Variants in RABL6 observed in about 807,000 individuals in gnomAD.
RABL6 encodes the protein RAB, member RAS oncogene family like 6, also known as rab-like protein 6.
Under a neutral mutation model 72.9 loss-of-function variants are expected in RABL6, and 28 were observed. That is an observed-to-expected ratio of 0.38 (90% CI 0.28 to 0.53). The LOEUF (loss-of-function observed/expected upper bound fraction) is 0.53, where lower values mean the gene tolerates loss of function less well. Among genes scored for constraint, RABL6 ranks in the 20% least tolerant of loss-of-function variants. RABL6 has a pLI of 0.80. For missense variants in RABL6, 1,029 were observed against 1,008.4 expected (o/e 1.02, Z -0.28); for synonymous variants, 477 against 421.2 (o/e 1.13, Z -1.62).
Position 136,840,673 on chromosome 9 carries a change from G to C in RABL6, c.*151G>C, listed in dbSNP as rs1348768610. 5 of 1,549,312 alleles carry C rather than the reference G, an allele frequency of 3.2e-6. No homozygotes were observed. The highest frequency in any genetic ancestry group is 4.4e-6 in the Non-Finnish European group (5 of 1,146,850). On this transcript the variant is annotated 3_prime_UTR_variant, in exon 15 of 15. Transcript: ENST00000311502. ...GAGGCCGGGCATTGGTGGTCCCCAG[G>C]CTGGGCCCTGCAGGTGCTGGGCCTT...
At chr9:136,808,393 C>A (rs1375193799) in intron 1 of RABL6, 67 bp downstream of exon 1, 2 of 1,377,008 alleles carry the variant, frequency 1.5e-6, no homozygotes, top group Non-Finnish European at 1.9e-6. Flanking sequence ...CCCCGGGCGC[C>A]GCGCGGTGGT....
At chr9:136,825,872 C>T (rs1848344453) in intron 3 of RABL6, 46 bp downstream of exon 3, 5 of 1,577,746 alleles carry the variant, frequency 3.2e-6, no homozygotes, top group Non-Finnish European at 4.4e-6. Flanking sequence ...GGACTGTGTG[C>T]TCTGCGCAGA....
At chr9:136,835,476 A>G in intron 7 of RABL6, 1 of 413,788 alleles carries the variant, frequency 2.4e-6, no homozygotes, top group East Asian at 4.1e-5. Flanking sequence ...CTTGCTGTTG[A>G]GGTTTATGCC....
At chr9:136,825,715 A>G in intron 2 of RABL6, 64 bp from the exon 3 acceptor site, 1 of 1,549,050 alleles carries the variant, frequency 6.5e-7, no homozygotes, top group South Asian at 1.1e-5. Flanking sequence ...CACCAGCTGG[A>G]CCGCTTTGTG....
chr9:136,835,392 G>T, intron 7 of RABL6: 1 of 201,888 alleles, frequency 5.0e-6, no homozygotes, highest in Middle Eastern at 1.8e-3. Context: ...GCGTGGCGGG[G>T]AGCAGAGGGG....
At chr9:136,828,226 G>C in intron 3 of RABL6, 1 of 456,234 alleles carries the variant, frequency 2.2e-6, no homozygotes. Context: ...TCCCACCGCA[G>C]CCTGTCCAGG....
rs1179505157 is a variant in RABL6, at chr9:136,837,652, T to G, written c.1116T>G (p.Pro372=). 2 of 1,588,786 alleles carry G rather than the reference T, an allele frequency of 1.3e-6. No homozygotes were observed. Among genetic ancestry groups the G allele is most frequent in the Non-Finnish European group, 1.7e-6 (2 of 1,169,516 alleles). ...FGTSPATEAA[P]PPPEPVPAAE... ...CGTCACCTGCCACCGAGGCAGCCCC[T>G]CCACCTCCAGGTAGGCCCTGGAGCT... is the stretch of plus-strand genomic sequence containing the variant. Residue 372 remains proline (P), a synonymous_variant, in exon 9 of 15, where the codon CCT becomes CCG. Coordinates refer to ENST00000311502, the MANE Select transcript of RABL6 (RefSeq NM_024718.5).
Position 136,837,938 on chromosome 9 carries a change from C to A in RABL6, c.1203C>A (p.Arg401=). 6.4e-7 allele frequency: 1 copy of A among 1,561,074 alleles called. No homozygotes were observed. Among genetic ancestry groups the A allele is most frequent in the South Asian group, 1.2e-5 (1 of 84,680 alleles). Residue 401 remains arginine, a synonymous_variant, in exon 10 of 15, where the codon CGC becomes CGA. Coordinates refer to ENST00000311502, the MANE Select transcript of RABL6 (RefSeq NM_024718.5). ...TTGTTCCTGACGACCGCCTGGACCG[C>A]AGCTTCCTGGAAGACACAACCCCCG... ...EDFVPDDRLD[R]SFLEDTTPAR...
At chr9:136,821,256 G>T in intron 1 of RABL6, 1 of 905,376 alleles carries the variant, frequency 1.1e-6, no homozygotes, top group Non-Finnish European at 1.3e-6. Flanking sequence ...GGACGTCAGC[G>T]CGTTGGTTCT....
rs747129893 is a variant in RABL6 at position 136,828,260 on chromosome 9, A to C, written c.314-234A>C. The C allele has an allele frequency of 9.4e-6, 5 of 529,302 alleles. No homozygotes were observed. In the East Asian group the frequency reaches 1.6e-4, roughly 17 times the overall value. The allele number at this position is 529,302 out of a possible 1,614,324, so 32.8% of individuals were successfully genotyped here. On this transcript the variant is annotated intron_variant, in intron 3 of 14. Coordinates refer to ENST00000311502, the MANE Select transcript of RABL6 (RefSeq NM_024718.5). ...GGAGCTGCTGAGCCTGTCAGCCCCAACTAGCACCTCCTGTCCAGGCCCGGC... is the reference window on the plus strand; with the variant it reads ...GGAGCTGCTGAGCCTGTCAGCCCCACCTAGCACCTCCTGTCCAGGCCCGGC...
Position 136,839,915 on chromosome 9 carries a change from C to T in RABL6, c.1930+50C>T, listed in dbSNP as rs547476769. On this transcript the variant is annotated intron_variant, in intron 13 of 14. Transcript: ENST00000311502. ...TCAGCCTGCTGGAGTTTGGGTAGAA[C>T]GTGGGCCTCCTCCCAGCTGCTGGCC... The T allele has an allele frequency of 1.6e-4, 248 of 1,573,832 alleles. 4 individuals carry two copies. The South Asian group carries it at 2.5e-3, about 16-fold the overall frequency.
chr9:136,828,809 C>T (rs985783510), intron 4 of RABL6, among the ~76,000 whole-genome samples: 3 of 152,164 alleles, frequency 2.0e-5, no homozygotes, highest in Non-Finnish European at 2.9e-5. Context: ...TAAGTGAACT[C>T]GCCAAACTTT....
At chr9:136,821,892 G>T in intron 1 of RABL6, 1 of 1,276,644 alleles carries the variant, frequency 7.8e-7, no homozygotes, top group Admixed American at 2.4e-5. Context: ...CGGTGCGGCC[G>T]CCACCGTGGC....
chr9:136,825,857 C>T, intron 3 of RABL6, 31 bp downstream of exon 3: 1 of 1,596,650 alleles, frequency 6.3e-7, no homozygotes, highest in African/African-American at 1.3e-5. Flanking sequence ...GTCTGCTTCT[C>T]TCTGGGACTG....
intron 1 of RABL6, chr9:136,821,343 C>T (rs1848231944): frequency 1.0e-6 from 1 of 985,266 alleles, no homozygotes; most frequent in Non-Finnish European, 1.2e-6. Context: ...CCGGGAAAGA[C>T]CCGGAGACGG....
In RABL6 at chr9:136,826,953, C is replaced by T. The variant is rs950552293; in HGVS notation, c.313+1127C>T. 1 of 152,308 alleles carries T rather than the reference C, an allele frequency of 6.6e-6. No individual in the cohort carries two copies. Among genetic ancestry groups the T allele is most frequent in the African/African-American group, 2.4e-5 (1 of 41,450 alleles). 9.4% of individuals were successfully genotyped at this position (152,308 alleles called of 1,614,324 possible). A position where few individuals can be genotyped will look rare whatever the true frequency, so the allele number is the denominator to read the frequency against. ...CGGTTGCCCAGAGTGGGGTTCATAA[C>T]TGGGCACTGTAAAGGGTGTGGTCTC... On this transcript the variant is annotated intron_variant, in intron 3 of 14. Transcript: ENST00000311502. This position sits in a 1 kb window ranked among gnomAD's most constrained non-coding sequence, Gnocchi z 4.9.
In RABL6 at chr9:136,839,723, C is replaced by T. The variant is rs374489308; in HGVS notation, c.1788C>T (p.Ser596=). 6.2e-5 allele frequency: 100 copies of T among 1,604,620 alleles called. No individual in the cohort carries two copies. The highest frequency in any genetic ancestry group is 5.7e-4 in the Admixed American group (34 of 59,520). Residue 596 remains serine, a synonymous_variant, in exon 13 of 15, where the codon TCC becomes TCT. Coordinates refer to ENST00000311502, the MANE Select transcript of RABL6 (RefSeq NM_024718.5). ...ACTTTCCCGTGCGAGATGACCCCTC[C>T]GATGTGACTGACGAGGATGAGGGCC... ...ADDFPVRDDP[S]DVTDEDEGPA...
At chr9:136,834,547 T>C in intron 7 of RABL6, 1 of 857,108 alleles carries the variant, frequency 1.2e-6, no homozygotes, top group Non-Finnish European at 1.4e-6. Context: ...GGTGCAATCT[T>C]GCCTCACTGT....
At chr9:136,828,254 GC>G in intron 3 of RABL6, 1 of 519,328 alleles carries the variant, frequency 1.9e-6, no homozygotes, top group Non-Finnish European at 3.5e-6. Context: ...GAGCCTGTCA[GC>G]CCCAACTAGC....
Sources: allele counts gnomAD v4.1 joint callset (sites outside exome capture counted in the v4.1 genomes callset), GRCh38; gene constraint gnomAD v4.1.1; non-coding constraint Gnocchi (gnomAD v3.1); transcripts MANE v1.5; gene names NCBI Gene and HGNC (gene_info 2026-07-23, HGNC 2026-07-21).